CTNNA3: variants seen among roughly 807,000 people sequenced by gnomAD.
CTNNA3 encodes the protein catenin alpha 3.
In CTNNA3, 76 loss-of-function variants were observed where a neutral mutation model predicts 95.7. The observed-to-expected ratio is 0.79, with a 90% confidence interval of 0.66 to 0.96. The LOEUF is 0.96. Among genes scored for constraint, CTNNA3 ranks in the 40% least tolerant of loss-of-function variants. CTNNA3 has a pLI of 0.00. For missense variants in CTNNA3, 1,191 were observed against 1,089.8 expected (o/e 1.09, Z -1.31); for synonymous variants, 431 against 374.4 (o/e 1.15, Z -1.74).
At chr10:66,852,226 A>G (rs867153903) in intron 7 of CTNNA3, among the ~76,000 whole-genome samples, 1 of 152,210 alleles carries the variant, frequency 6.6e-6, no homozygotes, top group African/African-American at 2.4e-5. Context: ...ATTTCTTGAT[A>G]TCATATGTTA....
At chr10:66,569,217 G>A (rs1307322409) in intron 10 of CTNNA3, among the ~76,000 whole-genome samples, 1 of 152,074 alleles carries the variant, frequency 6.6e-6, no homozygotes, top group Non-Finnish European at 1.5e-5. Context: ...GATGTGGAGG[G>A]ACAAATGGAA....
At chr10:67,080,887 C>T (rs1013348640) in intron 7 of CTNNA3, among the ~76,000 whole-genome samples, 6 of 146,712 alleles carry the variant, frequency 4.1e-5, no homozygotes, top group East Asian at 4.0e-4. Flanking sequence ...CCAGCCTGGG[C>T]GAGAGAGCGA....
At chr10:66,491,446 C>A (rs2131936265) in intron 11 of CTNNA3, among the ~76,000 whole-genome samples, 1 of 152,258 alleles carries the variant, frequency 6.6e-6, no homozygotes. Context: ...AGCCTATGAA[C>A]TTTTAACATA....
intron 9 of CTNNA3, among the ~76,000 whole-genome samples, chr10:66,733,884 T>A: frequency 6.6e-6 from 1 of 151,780 alleles, no homozygotes; most frequent in East Asian, 1.9e-4. Flanking sequence ...AGGTAATCTT[T>A]AAAAAACAAT....
At chr10:66,876,643 A>T (rs535078572) in intron 7 of CTNNA3, among the ~76,000 whole-genome samples, 45 of 151,764 alleles carry the variant, frequency 3.0e-4, no homozygotes, top group Admixed American at 2.0e-4. Context: ...CCTTATTAGA[A>T]TTTTTTTTTA....
chr10:66,043,734 C>T (rs2079757827), intron 15 of CTNNA3, among the ~76,000 whole-genome samples: 1 of 152,128 alleles, frequency 6.6e-6, no homozygotes, highest in African/African-American at 2.4e-5. Flanking sequence ...CACCTGTGGA[C>T]CGCAGTTGCC....
chr10:67,548,920 C>A (rs1005784830), intron 3 of CTNNA3, among the ~76,000 whole-genome samples: 1 of 151,772 alleles, frequency 6.6e-6, no homozygotes, highest in Non-Finnish European at 1.5e-5. Flanking sequence ...AATAAAAAGA[C>A]AATCCTGTTT....
At chr10:66,817,878 T>C (rs1419313006) in intron 7 of CTNNA3, among the ~76,000 whole-genome samples, 1 of 151,756 alleles carries the variant, frequency 6.6e-6, no homozygotes, top group Non-Finnish European at 1.5e-5. Context: ...AAAATATAAG[T>C]ACAAAAACCA....
At chr10:66,596,670 G>C (rs1843724747) in intron 10 of CTNNA3, among the ~76,000 whole-genome samples, 2 of 152,108 alleles carry the variant, frequency 1.3e-5, no homozygotes, top group Non-Finnish European at 2.9e-5. Context: ...CAACGGGGCT[G>C]ACTGGTCAAG....
chr10:67,303,495 C>T (rs1171176198), intron 5 of CTNNA3, among the ~76,000 whole-genome samples: 1 of 152,156 alleles, frequency 6.6e-6, no homozygotes, highest in Admixed American at 6.5e-5. Context: ...GCATGCAGGC[C>T]TAATTTGCTT....
chr10:67,224,814 C>T lies in CTNNA3; in HGVS notation c.580-4944G>A, dbSNP rs150658680. Among the ~76,000 whole-genome samples, 99 of 152,226 alleles carry T rather than the reference C, an allele frequency of 6.5e-4. 1 individual carries two copies. The East Asian group carries it at 0.018, about 27-fold the overall frequency. ...GGGGTTGGGGGAGGGGGAAGCACCA[C>T]AGGGAGAAGGAAAATTCCAGCTGAA... On this transcript the variant is annotated intron_variant, in intron 5 of 17. Transcript: ENST00000433211.
intron 1 of CTNNA3, among the ~76,000 whole-genome samples, chr10:67,715,673 C>T (rs1193255421): frequency 6.6e-6 from 1 of 151,994 alleles, no homozygotes; most frequent in Non-Finnish European, 1.5e-5. Flanking sequence ...GAGCCCTAGC[C>T]AAGTGCACTG....
intron 12 of CTNNA3, among the ~76,000 whole-genome samples, chr10:66,327,689 T>G (rs1448094716): frequency 1.3e-5 from 2 of 151,980 alleles, no homozygotes; most frequent in Non-Finnish European, 2.9e-5. Flanking sequence ...CCCTATAATA[T>G]GATTATTAAA....
At chr10:67,308,046 T>C (rs1840628795) in intron 5 of CTNNA3, among the ~76,000 whole-genome samples, 1 of 152,214 alleles carries the variant, frequency 6.6e-6, no homozygotes, top group Non-Finnish European at 1.5e-5. Flanking sequence ...TACTCTACCC[T>C]ACATGTGTTC....
At chr10:66,812,203 T>C (rs796686564) in intron 7 of CTNNA3, among the ~76,000 whole-genome samples, 12 of 152,176 alleles carry the variant, frequency 7.9e-5, no homozygotes, top group African/African-American at 2.9e-4. Context: ...GAAACCGGAG[T>C]AAAATCCATG....
intron 14 of CTNNA3, among the ~76,000 whole-genome samples, chr10:66,100,158 C>A (rs1007892197): frequency 6.6e-6 from 1 of 152,080 alleles, no homozygotes; most frequent in African/African-American, 2.4e-5. Context: ...GAAAGGAGAG[C>A]CAGTCTAAAG....
chr10:66,520,629 G>A lies in CTNNA3; in HGVS notation c.1519C>T (p.Leu507Phe). The A allele has an allele frequency of 6.2e-7, 1 of 1,604,400 alleles. No homozygotes were observed. The highest frequency in any genetic ancestry group is 8.5e-7 in the Non-Finnish European group (1 of 1,174,998). ...VDDITSIDDF[L>F]AVSESHILED... is the part of the protein sequence containing the mutation. Reference sequence around the variant, plus strand: ...AATAAAAACATACCAGATACAGCAAGGAAGTCATCAATGCTTGTAATGTCA... The same window carrying A: ...AATAAAAACATACCAGATACAGCAAAGAAGTCATCAATGCTTGTAATGTCA... Residue 507 changes from leucine (L) to phenylalanine (F), a missense_variant, in exon 11 of 18, where the codon CTT becomes TTT. By Grantham distance (22) the Leu-to-Phe change is conservative (BLOSUM62 0). Transcript: ENST00000433211.
In CTNNA3 at chr10:67,219,732, T is replaced by C. The variant is rs367570454; in HGVS notation, c.718A>G (p.Thr240Ala). ...GCATTCTGAATTTCTTCACAAACTGTGTCCTTGCTTGCTTTGAGGGAAGCA... is the reference window on the plus strand; with the variant it reads ...GCATTCTGAATTTCTTCACAAACTGCGTCCTTGCTTGCTTTGAGGGAAGCA... ...DVASLKASKD[T>A]VCEEIQNALN... is the part of the protein sequence containing the mutation. The change falls in exon 6 of 18, where the codon ACA becomes GCA. Residue 240 changes from threonine (T) to alanine (A), a missense_variant. Physicochemically the swap from Thr to Ala is moderately conservative, Grantham distance 58. Coordinates refer to ENST00000433211, the MANE Select transcript of CTNNA3 (RefSeq NM_013266.4). 1.1e-4 allele frequency: 178 copies of C among 1,614,102 alleles called. No individual in the cohort carries two copies. The highest frequency in any genetic ancestry group is 4.9e-4 in the Middle Eastern group (3 of 6,062).
chr10:67,346,689 T>C (rs1842429196), intron 5 of CTNNA3: 2 of 513,146 alleles, frequency 3.9e-6, no homozygotes, highest in Non-Finnish European at 7.8e-6. Flanking sequence ...CTCGTGGCGA[T>C]AGATGAGAGT....
Sources: gnomAD v4.1 joint callset for allele counts (sites outside exome capture counted in the v4.1 genomes callset) on GRCh38, gnomAD v4.1.1 for gene constraint, MANE v1.5 for transcripts, NCBI Gene and HGNC (gene_info 2026-07-23, HGNC 2026-07-21) for gene names.